Variants in ATP2C1 observed in about 807,000 individuals in gnomAD.
ATP2C1 encodes the protein ATPase secretory pathway Ca2+ transporting 1.
Under a neutral mutation model 120.5 loss-of-function variants are expected in ATP2C1, and 31 were observed. The ratio of observed to expected loss-of-function variants is 0.26; its 90% CI spans 0.19 to 0.35. The LOEUF is 0.35. ATP2C1 is among the 10% of genes least tolerant of loss of function. The pLI, the probability that ATP2C1 is intolerant of heterozygous loss-of-function variation, is 1.00. For missense variants in ATP2C1, 731 were observed against 1,107.5 expected (o/e 0.66, Z 4.83); for synonymous variants, 351 against 358.7 (o/e 0.98, Z 0.24).
chr3:130,861,205 G>A (rs1185247289), intron 1 of ATP2C1, among the ~76,000 whole-genome samples: 1 of 152,146 alleles, frequency 6.6e-6, no homozygotes, highest in East Asian at 1.9e-4. Context: ...AGAGGCAGAG[G>A]TTGCAGTGAG....
chr3:130,902,711 A>AC lies in ATP2C1; in HGVS notation c.6+7944dup, dbSNP rs201183268. Among the ~76,000 whole-genome samples, 619 of 148,562 alleles carry AC rather than the reference A, an allele frequency of 4.2e-3. 4 individuals carry two copies. The highest frequency in any genetic ancestry group is 7.5e-3 in the Admixed American group (111 of 14,886). The stretch of plus-strand genomic sequence containing the variant: ...CTTTTTATCCATTTATTCTAACTAG[A>AC]CCCCCCCCGAAGTCAGAACTCTTCC... On this transcript the variant is annotated intron_variant, in intron 2 of 27. Transcript: ENST00000510168.
rs1039591020 is a variant in ATP2C1 at position 130,951,411 on chromosome 3, G to A, written c.532-2410G>A. Among the ~76,000 whole-genome samples, 9 of 152,260 alleles carry A rather than the reference G, an allele frequency of 5.9e-5. No individual in the cohort carries two copies. In the South Asian group the frequency reaches 1.9e-3, roughly 32 times the overall value. Reference sequence around the variant, plus strand: ...ATTACTTGCCTCATAGGAGTTGTTAGTAGGATTAAATGTGATAATTTAGCA... The same window carrying A: ...ATTACTTGCCTCATAGGAGTTGTTAATAGGATTAAATGTGATAATTTAGCA... On this transcript the variant is annotated intron_variant, in intron 8 of 27. Transcript: ENST00000510168.
chr3:130,898,657 G>A (rs2069859313), intron 2 of ATP2C1, among the ~76,000 whole-genome samples: 1 of 152,102 alleles, frequency 6.6e-6, no homozygotes, highest in Non-Finnish European at 1.5e-5. Context: ...CTGACAGTTG[G>A]ATTCCAAATA....
At chr3:130,948,536 A>G (rs747186817) in intron 8 of ATP2C1, among the ~76,000 whole-genome samples, 1 of 151,974 alleles carries the variant, frequency 6.6e-6, no homozygotes. Context: ...AGTTTATTAT[A>G]TTTGGATTTC....
chr3:130,860,061 G>A (rs1404662619), intron 1 of ATP2C1, among the ~76,000 whole-genome samples: 1 of 152,232 alleles, frequency 6.6e-6, no homozygotes, highest in South Asian at 2.1e-4. Context: ...TCTGTGAAGA[G>A]ATAGTAGAAA....
Position 130,894,511 on chromosome 3 carries a change from G to A in ATP2C1, c.-180-79G>A. The A allele has an allele frequency of 7.2e-7, 1 of 1,390,050 alleles. No homozygotes were observed. Among genetic ancestry groups the A allele is most frequent in the Non-Finnish European group, 9.3e-7 (1 of 1,072,580 alleles). The allele number at this position is 1,390,050 out of a possible 1,614,324, so 86.1% of individuals were successfully genotyped here. On this transcript the variant is annotated intron_variant, in intron 1 of 27. Coordinates refer to ENST00000510168, the MANE Select transcript of ATP2C1 (RefSeq NM_001378687.1). The surrounding 1 kb of genome is among the most constrained non-coding windows in gnomAD (Gnocchi z 4.5). Reference sequence around the variant, plus strand: ...GCGGGTGCGGGATCTTGGGGAGGGGGGCTCCCGAGATAGTGGCTGGGCGGG... The same window carrying A: ...GCGGGTGCGGGATCTTGGGGAGGGGAGCTCCCGAGATAGTGGCTGGGCGGG...
chr3:130,883,606 G>A (rs969974413), intron 1 of ATP2C1, among the ~76,000 whole-genome samples: 7 of 151,746 alleles, frequency 4.6e-5, no homozygotes, highest in East Asian at 1.9e-4. Flanking sequence ...CACCTGCCAC[G>A]ACGCCCAGCT....
chr3:130,962,210 T>A (rs1470102518), intron 12 of ATP2C1, among the ~76,000 whole-genome samples: 2 of 152,072 alleles, frequency 1.3e-5, no homozygotes, highest in East Asian at 3.8e-4. Flanking sequence ...AAATAGATTA[T>A]GCAGAAGTAG....
chr3:130,862,414 C>T (rs2068045958), intron 1 of ATP2C1, among the ~76,000 whole-genome samples: 1 of 151,808 alleles, frequency 6.6e-6, no homozygotes, highest in Non-Finnish European at 1.5e-5. Context: ...CTCCTGGCTT[C>T]AGGTGACCTG....
At chr3:131,010,301 C>T (rs574191154) in intron 26 of ATP2C1, among the ~76,000 whole-genome samples, 25 of 151,412 alleles carry the variant, frequency 1.7e-4, no homozygotes, top group African/African-American at 5.6e-4. Context: ...CACCATTCTC[C>T]GGCCTCAGCC....
At chr3:130,954,241 TTTATTATTAA>T (rs1015319317) in intron 9 of ATP2C1, among the ~76,000 whole-genome samples, 39 of 152,146 alleles carry the variant, frequency 2.6e-4, no homozygotes, top group African/African-American at 8.9e-4. Flanking sequence ...CATGGATGTG[TTTATTATTAA>T]ATAAATTTTA....
At chr3:130,891,304 T>C (rs930015301), upstream of ATP2C1, among the ~76,000 whole-genome samples, 73 of 152,318 alleles carry the variant, frequency 4.8e-4, no homozygotes, top group African/African-American at 1.7e-3. Flanking sequence ...TCCAGGTTTA[T>C]AAAAATGCAG....
chr3:130,995,801 C>T lies in ATP2C1; in HGVS notation c.2058-242C>T, dbSNP rs192766538. The stretch of plus-strand genomic sequence containing the variant: ...GATTACAGGCATGCGCCACCACACC[C>T]GGCTAATTTTTGTATTTTTAGTAGA... On this transcript the variant is annotated intron_variant, in intron 22 of 27. Coordinates refer to ENST00000510168, the MANE Select transcript of ATP2C1 (RefSeq NM_001378687.1). Among the ~76,000 whole-genome samples the T allele has an allele frequency of 9.5e-3, 1,446 of 152,142 alleles. 16 individuals carry two copies. The highest frequency in any genetic ancestry group is 0.031 in the African/African-American group (1,288 of 41,524).
chr3:130,998,376 G>T lies in ATP2C1; in HGVS notation c.2474G>T (p.Ser825Ile). The change falls in exon 26 of 28, where the codon AGT (serine) becomes ATT (isoleucine). Residue 825 changes from serine to isoleucine, a missense_variant. By Grantham distance (142) the Ser-to-Ile change is moderately radical (BLOSUM62 -2). Transcript: ENST00000510168. Reference sequence around the variant, plus strand: ...TTTTTTGACATGTTCAATGCACTAAGTTCCAGATCCCAGGTATGTTTAGGT... The same window carrying T: ...TTTTTTGACATGTTCAATGCACTAATTTCCAGATCCCAGGTATGTTTAGGT... ...FVFFDMFNAL[S>I]SRSQTKSVFE... 6.2e-7 allele frequency: 1 copy of T among 1,604,246 alleles called. No homozygotes were observed. Among genetic ancestry groups the T allele is most frequent in the African/African-American group, 1.3e-5 (1 of 74,820 alleles).
At chr3:130,850,712 T>TGG in exon 1 of ATP2C1, 1 of 513,236 alleles carries the variant, frequency 1.9e-6, no homozygotes, top group Non-Finnish European at 3.4e-6. Flanking sequence ...AGGAGGGAAG[T>TGG]TGTCGAGCTA....
chr3:130,875,663 A>G (rs1312590096), intron 1 of ATP2C1, among the ~76,000 whole-genome samples: 1 of 152,104 alleles, frequency 6.6e-6, no homozygotes, highest in Non-Finnish European at 1.5e-5. Context: ...GAATCACATG[A>G]TAGTTCTATT....
intron 6 of ATP2C1, 76 bp from the exon 7 acceptor site, chr3:130,940,554 T>A (rs977914579): frequency 2.0e-5 from 19 of 958,706 alleles, no homozygotes; most frequent in Non-Finnish European, 3.1e-5. Context: ...TTTAAAATAA[T>A]GATTGAGATT....
At chr3:130,880,242 A>C (rs1005207735) in intron 1 of ATP2C1, among the ~76,000 whole-genome samples, 4 of 152,138 alleles carry the variant, frequency 2.6e-5, no homozygotes, top group Non-Finnish European at 4.4e-5. Flanking sequence ...TAAAATACCA[A>C]TATTTCTAGT....
Position 130,948,883 on chromosome 3 carries a change from G to A in ATP2C1, c.532-4938G>A, listed in dbSNP as rs73201926. On this transcript the variant is annotated intron_variant, in intron 8 of 27. Coordinates refer to ENST00000510168, the MANE Select transcript of ATP2C1 (RefSeq NM_001378687.1). Reference sequence around the variant, plus strand: ...TGATCTGTGATCAGTGATCTTTGCTGTTACTGTTAAAATTGTTTTGGGGCA... The same window carrying A: ...TGATCTGTGATCAGTGATCTTTGCTATTACTGTTAAAATTGTTTTGGGGCA... Among the ~76,000 whole-genome samples, 611 of 152,140 alleles carry A rather than the reference G, an allele frequency of 4.0e-3. 4 individuals are homozygous for A. Among genetic ancestry groups the A allele is most frequent in the Non-Finnish European group, 5.7e-3 (388 of 67,990 alleles).
Sources: gnomAD v4.1 joint callset for allele counts (sites outside exome capture counted in the v4.1 genomes callset) on GRCh38, gnomAD v4.1.1 for gene constraint, Gnocchi (gnomAD v3.1) non-coding constraint, MANE v1.5 for transcripts, NCBI Gene and HGNC (gene_info 2026-07-23, HGNC 2026-07-21) for gene names.